RGS7: variants seen among roughly 807,000 people sequenced by gnomAD.
RGS7 encodes regulator of G-protein signaling 7.
In RGS7, 27 loss-of-function variants were observed where a neutral mutation model predicts 81.1. The ratio of observed to expected loss-of-function variants is 0.33; its 90% confidence interval spans 0.25 to 0.46. RGS7 has a LOEUF of 0.46. Among genes scored for constraint, RGS7 ranks in the 20% least tolerant of loss-of-function variants. The probability of loss-of-function intolerance (pLI) is 1.00; values close to 1 mark genes in which losing one functional copy is unlikely to be tolerated. For missense variants in RGS7, 396 were observed against 607.4 expected (o/e 0.65, Z 3.66); for synonymous variants, 208 against 207.7 (o/e 1.00, Z -0.01).
intron 9 of RGS7, among the ~76,000 whole-genome samples, chr1:240,863,301 C>A (rs555811709): frequency 6.6e-6 from 1 of 152,100 alleles, no homozygotes; most frequent in Non-Finnish European, 1.5e-5. Flanking sequence ...TGGTGAAACC[C>A]CGTCTCTACT....
intron 2 of RGS7, among the ~76,000 whole-genome samples, chr1:241,121,950 C>T (rs1262181702): frequency 2.0e-5 from 3 of 152,024 alleles, no homozygotes; most frequent in East Asian, 1.9e-4. Flanking sequence ...GCATTTCTCC[C>T]GTCTTAGCCT....
intron 14 of RGS7, among the ~76,000 whole-genome samples, chr1:240,806,832 G>A (rs964365257): frequency 1.3e-5 from 2 of 152,134 alleles, no homozygotes; most frequent in African/African-American, 4.8e-5. Flanking sequence ...CTAGTATGGA[G>A]AGCCTTTTCT....
At chr1:241,249,963 T>C (rs565163321) in intron 2 of RGS7, among the ~76,000 whole-genome samples, 1 of 152,308 alleles carries the variant, frequency 6.6e-6, no homozygotes, top group Non-Finnish European at 1.5e-5. Context: ...TATAGTATTA[T>C]CCTATCAATA....
intron 2 of RGS7, among the ~76,000 whole-genome samples, chr1:241,206,343 G>A (rs907234776): frequency 3.3e-5 from 5 of 149,494 alleles, no homozygotes; most frequent in South Asian, 2.1e-4. Flanking sequence ...TCCTCCCTCC[G>A]TCTCCTGAGT....
intron 9 of RGS7, among the ~76,000 whole-genome samples, chr1:240,833,031 C>T (rs1694108962): frequency 6.6e-6 from 1 of 151,800 alleles, no homozygotes; most frequent in Admixed American, 6.6e-5. Context: ...AAATTAGGAA[C>T]AATAAGAAAT....
At chr1:241,173,363 T>C (rs2070872222) in intron 2 of RGS7, among the ~76,000 whole-genome samples, 1 of 152,222 alleles carries the variant, frequency 6.6e-6, no homozygotes, top group South Asian at 2.1e-4. Flanking sequence ...ATATCAAATA[T>C]CACAATGTAT....
chr1:241,050,283 T>G (rs1298705799), intron 3 of RGS7, among the ~76,000 whole-genome samples: 1 of 151,916 alleles, frequency 6.6e-6, no homozygotes, highest in African/African-American at 2.4e-5. Flanking sequence ...ATGGTGTGAA[T>G]AGAGCTTGGG....
At chr1:241,189,633 C>T (rs1392636373) in intron 2 of RGS7, among the ~76,000 whole-genome samples, 1 of 152,156 alleles carries the variant, frequency 6.6e-6, no homozygotes, top group Admixed American at 6.5e-5. Flanking sequence ...TTTCTTTACA[C>T]TTTTTATAAA....
At chr1:241,240,333 C>T (rs1014921536) in intron 2 of RGS7, among the ~76,000 whole-genome samples, 23 of 152,114 alleles carry the variant, frequency 1.5e-4, no homozygotes, top group Non-Finnish European at 2.8e-4. Context: ...ACCCTGCTGA[C>T]GGGAAGAAGC....
intron 2 of RGS7, among the ~76,000 whole-genome samples, chr1:241,152,281 T>G (rs958343862): frequency 1.3e-5 from 2 of 152,208 alleles, no homozygotes; most frequent in African/African-American, 2.4e-5. Context: ...CATCCAGGTT[T>G]AAAAATATGT....
At chr1:240,977,244 C>G (rs141044871) in intron 4 of RGS7, among the ~76,000 whole-genome samples, 2 of 152,218 alleles carry the variant, frequency 1.3e-5, no homozygotes, top group Non-Finnish European at 2.9e-5. Flanking sequence ...TCCCCCTGCC[C>G]TTATCCAATG....
At chr1:241,333,507 T>C (rs1176738395) in intron 2 of RGS7, among the ~76,000 whole-genome samples, 3 of 152,212 alleles carry the variant, frequency 2.0e-5, no homozygotes, top group African/African-American at 7.2e-5. Flanking sequence ...GTTTATAATC[T>C]TGGCTAAGTC....
At chr1:241,013,852 A>T (rs1273387445) in intron 3 of RGS7, among the ~76,000 whole-genome samples, 1 of 152,250 alleles carries the variant, frequency 6.6e-6, no homozygotes, top group Non-Finnish European at 1.5e-5. Context: ...TCATGTTCGT[A>T]AAAGACATAA....
At chr1:240,889,461 A>T (rs183751097) in intron 6 of RGS7, among the ~76,000 whole-genome samples, 70 of 152,174 alleles carry the variant, frequency 4.6e-4, no homozygotes, top group African/African-American at 1.6e-3. Flanking sequence ...GTCAGGGCTG[A>T]GCCGGGAGCC....
intron 2 of RGS7, among the ~76,000 whole-genome samples, chr1:241,196,671 A>C (rs1400514493): frequency 6.6e-6 from 1 of 152,112 alleles, no homozygotes; most frequent in Non-Finnish European, 1.5e-5. Flanking sequence ...AAAAGGAGTA[A>C]ATATGTGGAT....
chr1:241,194,803 C>T (rs1031456888), intron 2 of RGS7, among the ~76,000 whole-genome samples: 19 of 152,136 alleles, frequency 1.2e-4, no homozygotes, highest in Admixed American at 2.6e-4. Context: ...GTTCACCCCC[C>T]AAAGCAGTTA....
intron 18 of RGS7, among the ~76,000 whole-genome samples, chr1:240,793,611 A>ATATATATTTTTTTTTT: frequency 8.9e-5 from 7 of 78,812 alleles, no homozygotes; most frequent in Admixed American, 4.4e-4. Flanking sequence ...ATATATATAT[A>ATATATATTTTTTTTTT]TTTTTTTTTT....
chr1:241,064,955 A>G (rs2148846933), intron 3 of RGS7, among the ~76,000 whole-genome samples: 1 of 152,156 alleles, frequency 6.6e-6, no homozygotes, highest in African/African-American at 2.4e-5. Context: ...GAAAAATATC[A>G]CTTCTTTTAA....
chr1:241,010,533 T>C (rs188039469), intron 3 of RGS7, among the ~76,000 whole-genome samples: 7 of 152,332 alleles, frequency 4.6e-5, no homozygotes, highest in Admixed American at 4.6e-4. Context: ...TTGCTGATCG[T>C]TTGTAACATG....
Sources: allele counts gnomAD v4.1 joint callset (sites outside exome capture counted in the v4.1 genomes callset), GRCh38; gene constraint gnomAD v4.1.1; transcripts MANE v1.5; gene names NCBI Gene and HGNC (gene_info 2026-07-23, HGNC 2026-07-21).